Variants in TMEM116 observed in about 807,000 individuals in gnomAD.
TMEM116 encodes transmembrane protein 116.
TMEM116 carries 38 observed loss-of-function variants against 44.3 expected under a neutral mutation model. That is an observed-to-expected ratio of 0.86 (90% CI 0.66 to 1.12). The LOEUF is 1.12. Among genes scored for constraint, TMEM116 ranks in the 50% most tolerant of loss-of-function variants. TMEM116 has a pLI of 0.00. For missense variants in TMEM116, 354 were observed against 401.7 expected, an observed-to-expected ratio of 0.88 and a Z score of 1.01; for synonymous variants, 132 against 144.8, an observed-to-expected ratio of 0.91 and a Z score of 0.64.
At chr12:111,969,492 T>G (rs1033863200) in intron 4 of TMEM116, among the ~76,000 whole-genome samples, 5 of 151,570 alleles carry the variant, frequency 3.3e-5, no homozygotes, top group Non-Finnish European at 7.4e-5. Flanking sequence ...TCTCCTGGGT[T>G]CCAGTGATTC....
chr12:111,935,971 A>C (rs1484013986), intron 8 of TMEM116: 1 of 152,118 alleles, frequency 6.6e-6, no homozygotes, highest in Non-Finnish European at 1.5e-5. Flanking sequence ...CTTATGTTTG[A>C]ATTGCCAAAG....
chr12:111,938,108 C>T, intron 6 of TMEM116, 53 bp downstream of exon 6: 1 of 1,277,068 alleles, frequency 7.8e-7, no homozygotes, highest in Non-Finnish European at 1.1e-6. Flanking sequence ...CCCACCTGAA[C>T]ACCAGAATAA....
At chr12:112,007,186 A>G (rs1027701312) in intron 1 of TMEM116, among the ~76,000 whole-genome samples, 3 of 152,322 alleles carry the variant, frequency 2.0e-5, no homozygotes, top group Middle Eastern at 3.4e-3. Flanking sequence ...AGGCCAAGTC[A>G]GGTGGATCAC....
chr12:111,931,607 C>G lies in TMEM116; in HGVS notation c.*14G>C. On this transcript the variant is annotated 3_prime_UTR_variant, in exon 11 of 11. Coordinates refer to ENST00000552374, the MANE Select transcript of TMEM116 (RefSeq NM_001193531.2). ...AGAATAACTCCAGTTCCTGGATGTT[C>G]CAGTATTGTAGTTTCAAAAAATGGT... 1 of 1,610,822 alleles carries G rather than the reference C, an allele frequency of 6.2e-7. No individual in the cohort carries two copies. Among genetic ancestry groups the G allele is most frequent in the Non-Finnish European group, 8.5e-7 (1 of 1,177,122 alleles).
chr12:111,957,233 C>T (rs1169972568), intron 4 of TMEM116, among the ~76,000 whole-genome samples: 1 of 151,630 alleles, frequency 6.6e-6, no homozygotes, highest in Non-Finnish European at 1.5e-5. Flanking sequence ...AGCACCTCTG[C>T]CCCGCCGCCC....
At chr12:111,967,162 A>G (rs1235030521) in intron 4 of TMEM116, among the ~76,000 whole-genome samples, 1 of 152,240 alleles carries the variant, frequency 6.6e-6, no homozygotes, top group African/African-American at 2.4e-5. Flanking sequence ...TCTGATGTAG[A>G]TTAGAATGGC....
chr12:112,001,986 C>G (rs541401719), intron 3 of TMEM116, among the ~76,000 whole-genome samples: 7 of 152,254 alleles, frequency 4.6e-5, no homozygotes, highest in Non-Finnish European at 7.4e-5. Flanking sequence ...AGGAAAGTCC[C>G]CTAACCTTAC....
At chr12:111,933,796 T>C in intron 9 of TMEM116, 90 bp downstream of exon 9, 1 of 1,527,898 alleles carries the variant, frequency 6.5e-7, no homozygotes, top group South Asian at 1.2e-5. Flanking sequence ...GTGCCCGACC[T>C]CAGCCATCCT....
At chr12:112,008,253 C>T (rs113055041) in intron 1 of TMEM116, among the ~76,000 whole-genome samples, 1 of 152,120 alleles carries the variant, frequency 6.6e-6, no homozygotes, top group East Asian at 1.9e-4. Flanking sequence ...GAGGCCGAGG[C>T]GTGTGGATCA....
intron 1 of TMEM116, chr12:112,005,804 A>T (rs1185523116): frequency 1.1e-6 from 1 of 871,968 alleles, no homozygotes; most frequent in Admixed American, 6.2e-5. Flanking sequence ...GTTCACTGAT[A>T]GGTAGAAAGA....
chr12:111,990,477 G>T (rs895867382), intron 4 of TMEM116, among the ~76,000 whole-genome samples: 3 of 152,118 alleles, frequency 2.0e-5, no homozygotes, highest in African/African-American at 7.2e-5. Flanking sequence ...AATTCATGAG[G>T]TTATTAGCAG....
rs759583297 is a variant in TMEM116, at chr12:111,940,523, G to GTATATATATATATATATA, written c.316-2331_316-2314dup. On this transcript the variant is annotated intron_variant, in intron 5 of 10. Transcript: ENST00000552374. ...CATATATATACACACATATATATGT[G>GTATATATATATATATATA]TATATATATATATATATATATACAC... Among the ~76,000 whole-genome samples, 139 of 104,874 alleles carry GTATATATATATATATATA rather than the reference G, an allele frequency of 1.3e-3. 3 individuals carry two copies. In the East Asian group the frequency reaches 0.029, roughly 22 times the overall value. The allele number at this position is 104,874 out of a possible 152,430, so 68.8% of individuals were successfully genotyped here.
At chr12:112,005,463 C>T in intron 1 of TMEM116, 160 bp from the exon 2 acceptor site, 1 of 530,432 alleles carries the variant, frequency 1.9e-6, no homozygotes, top group Admixed American at 4.5e-5. Flanking sequence ...GAACAGGCCC[C>T]TGGAAAGACA....
intron 3 of TMEM116, chr12:112,003,576 A>G: frequency 2.0e-6 from 1 of 492,534 alleles, no homozygotes; most frequent in East Asian, 5.1e-5. Context: ...TCAAAAAAAA[A>G]AAAAAAATAG....
In TMEM116 at chr12:111,990,499, G is replaced by A. The variant is rs559267607; in HGVS notation, c.210+1259C>T. Among the ~76,000 whole-genome samples the A allele has an allele frequency of 2.6e-5, 4 of 152,300 alleles. No homozygotes were observed. The South Asian group carries it at 8.3e-4, about 32-fold the overall frequency. ...GAGGTTATTAGCAGGACTGAGCAAA[G>A]TATGACTCTAAAACATTTTAAACTC... On this transcript the variant is annotated intron_variant, in intron 4 of 10. Coordinates refer to ENST00000552374, the MANE Select transcript of TMEM116 (RefSeq NM_001193531.2).
At chr12:111,994,648 CAT>C (rs2136650745) in intron 3 of TMEM116, among the ~76,000 whole-genome samples, 1 of 152,312 alleles carries the variant, frequency 6.6e-6, no homozygotes, top group South Asian at 2.1e-4. Context: ...GAATTTACAA[CAT>C]AGTGTGTGTG....
intron 1 of TMEM116, among the ~76,000 whole-genome samples, chr12:112,009,463 A>C (rs2077736422): frequency 6.6e-6 from 1 of 151,952 alleles, no homozygotes; most frequent in African/African-American, 2.4e-5. Flanking sequence ...AAGATTCTAG[A>C]ATGAATTGTC....
In TMEM116 at chr12:111,969,075, C is replaced by T. The variant is rs1006473078; in HGVS notation, c.210+22683G>A. ...GTGGCTCACGCCTGTAATCCCAGCA[C>T]TTTGGGAGGCCACGGCGGGTGGATC... On this transcript the variant is annotated intron_variant, in intron 4 of 10. Coordinates refer to ENST00000552374, the MANE Select transcript of TMEM116 (RefSeq NM_001193531.2). Among the ~76,000 whole-genome samples the T allele has an allele frequency of 2.7e-5, 4 of 150,080 alleles. No individual in the cohort carries two copies. The East Asian group carries it at 7.9e-4, about 30-fold the overall frequency.
At chr12:111,996,766 T>C (rs1357394954) in intron 3 of TMEM116, among the ~76,000 whole-genome samples, 1 of 152,096 alleles carries the variant, frequency 6.6e-6, no homozygotes, top group Non-Finnish European at 1.5e-5. Flanking sequence ...CAAGAAAACA[T>C]GTACAAGAAT....
Sources: gnomAD v4.1 joint callset for allele counts (sites outside exome capture counted in the v4.1 genomes callset) on GRCh38, gnomAD v4.1.1 for gene constraint, MANE v1.5 for transcripts, NCBI Gene and HGNC (gene_info 2026-07-23, HGNC 2026-07-21) for gene names.